UBAP1: variants seen among roughly 807,000 people sequenced by gnomAD.
UBAP1 encodes the protein ubiquitin associated protein 1.
A neutral mutation model predicts 39.0 loss-of-function variants in UBAP1; 5 were observed. The ratio of observed to expected loss-of-function variants is 0.13; its 90% confidence interval spans 0.07 to 0.27. UBAP1 has a LOEUF of 0.27. Ranked by LOEUF, UBAP1 falls within the 10% of genes least tolerant of loss-of-function variation. The pLI, the probability that UBAP1 is intolerant of heterozygous loss-of-function variation, is 1.00. For missense variants in UBAP1, 490 were observed against 608.1 expected, an observed-to-expected ratio of 0.81 and a Z score of 2.04; for synonymous variants, 211 against 225.1, an observed-to-expected ratio of 0.94 and a Z score of 0.56.
intron 1 of UBAP1, among the ~76,000 whole-genome samples, chr9:34,191,166 T>C (rs1830697764): frequency 6.6e-6 from 1 of 152,176 alleles, no homozygotes; most frequent in South Asian, 2.1e-4. Flanking sequence ...AGCACTGTTG[T>C]AGGTCAGTGA....
intron 1 of UBAP1, among the ~76,000 whole-genome samples, chr9:34,211,584 GAGAGAACATTAATAC>G (rs1289596551): frequency 1.3e-5 from 2 of 152,144 alleles, no homozygotes; most frequent in African/African-American, 4.8e-5. Flanking sequence ...AAGTGAAAAT[GAGAGAACATTAATAC>G]AGTTGCCCTT....
intron 2 of UBAP1, chr9:34,224,123 T>C: frequency 2.7e-6 from 2 of 737,908 alleles, no homozygotes; most frequent in Non-Finnish European, 4.2e-6. Context: ...GAACTGCTCC[T>C]CCAGGAGACT....
At chr9:34,192,928 A>G (rs1830814236) in intron 1 of UBAP1, among the ~76,000 whole-genome samples, 1 of 152,160 alleles carries the variant, frequency 6.6e-6, no homozygotes, top group Non-Finnish European at 1.5e-5. Context: ...GACTCATATA[A>G]AAAGGGTTTT....
intron 2 of UBAP1, among the ~76,000 whole-genome samples, chr9:34,225,791 A>G (rs1008038862): frequency 9.2e-5 from 14 of 151,686 alleles, no homozygotes; most frequent in African/African-American, 1.9e-4. Flanking sequence ...AAAAAAAAAA[A>G]AAAAGAAAAG....
intron 2 of UBAP1, among the ~76,000 whole-genome samples, chr9:34,231,127 A>ATGTGTGGTGTG (rs1410985520): frequency 5.8e-5 from 8 of 137,026 alleles, no homozygotes; most frequent in African/African-American, 1.9e-4. Flanking sequence ...TAAAAAAATT[A>ATGTGTGGTGTG]TGTGTGTGTG....
At chr9:34,190,096 G>C (rs1003695661) in intron 1 of UBAP1, among the ~76,000 whole-genome samples, 4 of 152,180 alleles carry the variant, frequency 2.6e-5, no homozygotes, top group African/African-American at 4.8e-5. Context: ...TAATACCTGG[G>C]TGATGAAATA....
intron 1 of UBAP1, among the ~76,000 whole-genome samples, chr9:34,179,466 G>T (rs964517031): frequency 2.6e-5 from 4 of 152,048 alleles, no homozygotes; most frequent in African/African-American, 9.7e-5. Flanking sequence ...GAAGTGGGAT[G>T]CGGAAAAATG....
chr9:34,246,022 A>AT (rs1834159494), intron 4 of UBAP1, among the ~76,000 whole-genome samples: 1 of 152,280 alleles, frequency 6.6e-6, no homozygotes, highest in South Asian at 2.1e-4. Flanking sequence ...TAAGAAATAT[A>AT]TTGTCCACTG....
Position 34,241,743 on chromosome 9 carries a change from T to C in UBAP1, c.718T>C (p.Leu240=). The C allele has an allele frequency of 6.2e-7, 1 of 1,614,032 alleles. No homozygotes were observed. Among genetic ancestry groups the C allele is most frequent in the Non-Finnish European group, 8.5e-7 (1 of 1,179,986 alleles). ...KPNGFITLPQ[L]GNCEKMSLSS... Reference sequence around the variant, plus strand: ...CAATGGCTTTATAACCTTACCACAGTTGGGCAACTGTGAAAAGATGTCACT... The same window carrying C: ...CAATGGCTTTATAACCTTACCACAGCTGGGCAACTGTGAAAAGATGTCACT... Residue 240 remains leucine (L), a synonymous_variant, in exon 4 of 7, where the codon TTG becomes CTG. Transcript: ENST00000297661.
intron 5 of UBAP1, 24 bp from the exon 6 acceptor site, chr9:34,250,634 T>G (rs779364993): frequency 6.2e-7 from 1 of 1,601,144 alleles, no homozygotes; most frequent in Non-Finnish European, 8.5e-7. Context: ...CAGTAGGTGC[T>G]AAACCCCTTG....
At chr9:34,217,267 ATC>A (rs1208536348) in intron 1 of UBAP1, among the ~76,000 whole-genome samples, 2 of 151,638 alleles carry the variant, frequency 1.3e-5, no homozygotes, top group Non-Finnish European at 2.9e-5. Context: ...TTGAGACAGA[ATC>A]TCTGTTGCCC....
rs1432757164 is a variant in UBAP1 at position 34,249,685 on chromosome 9, A to G, written c.1084-94A>G. The G allele has an allele frequency of 6.7e-6, 8 of 1,193,256 alleles. No homozygotes were observed. The South Asian group carries it at 9.6e-5, about 14-fold the overall frequency. The allele number at this position is 1,193,256 out of a possible 1,614,324, so 73.9% of individuals were successfully genotyped here. On this transcript the variant is annotated intron_variant, in intron 4 of 6. Coordinates refer to ENST00000297661, the MANE Select transcript of UBAP1 (RefSeq NM_016525.5). ...TGACCGCTTTTCTTGGGGCTTGAAT[A>G]GTGTCAGAAATGCCAACCCCTGGAC...
chr9:34,226,129 G>GTGTGTGTGTGTGTGTT lies in UBAP1; in HGVS notation c.34+5196_34+5197insTTGTGTGTGTGTGTGT, dbSNP rs1554650835. On this transcript the variant is annotated intron_variant, in intron 2 of 6. Coordinates refer to ENST00000297661, the MANE Select transcript of UBAP1 (RefSeq NM_016525.5). ...ATTGTGTGTGTGTGTGTGTGTGTGTGTGTGTGTGTGTGTGTGTGTGTGTGT... is the reference window on the plus strand; with the variant it reads ...ATTGTGTGTGTGTGTGTGTGTGTGTGTGTGTGTGTGTGTGTTTGTGTGTGTGTGTGTGTGTGTGTGT... Among the ~76,000 whole-genome samples the GTGTGTGTGTGTGTGTT allele has an allele frequency of 2.8e-3, 398 of 141,908 alleles. 3 individuals carry two copies. Among genetic ancestry groups the GTGTGTGTGTGTGTGTT allele is most frequent in the African/African-American group, 9.8e-3 (358 of 36,504 alleles). The allele number at this position is 141,908 out of a possible 152,430, so 93.1% of individuals were successfully genotyped here.
intron 1 of UBAP1, among the ~76,000 whole-genome samples, chr9:34,194,919 TTTGA>T (rs1830937961): frequency 1.3e-5 from 2 of 152,172 alleles, no homozygotes; most frequent in Admixed American, 6.6e-5. Flanking sequence ...GTTATTCCCA[TTTGA>T]TTGATTAAAA....
intron 2 of UBAP1, among the ~76,000 whole-genome samples, chr9:34,230,303 A>C (rs1032796624): frequency 4.6e-5 from 7 of 152,210 alleles, no homozygotes; most frequent in African/African-American, 1.7e-4. Flanking sequence ...TGACCTCATG[A>C]TCCGCCTGCC....
At chr9:34,196,250 C>T (rs879482244) in intron 1 of UBAP1, among the ~76,000 whole-genome samples, 18 of 151,570 alleles carry the variant, frequency 1.2e-4, no homozygotes, top group Non-Finnish European at 2.4e-4. Flanking sequence ...GTTTATCCTC[C>T]TACCTCAGCC....
At position 34,193,072 on chromosome 9, in the gene UBAP1, C is replaced by T. The variant is rs114750339; in HGVS notation, c.-8+13832C>T. On this transcript the variant is annotated intron_variant, in intron 1 of 6. Coordinates refer to ENST00000297661, the MANE Select transcript of UBAP1 (RefSeq NM_016525.5). ...CTGTAATTCCCAGAACTTTGGGAGGCGAGGCAGGCAGATCACTTGAGGTCA... is the reference window on the plus strand; with the variant it reads ...CTGTAATTCCCAGAACTTTGGGAGGTGAGGCAGGCAGATCACTTGAGGTCA... Among the ~76,000 whole-genome samples, 958 of 152,074 alleles carry T rather than the reference C, an allele frequency of 6.3e-3. 13 individuals carry two copies. Among genetic ancestry groups the T allele is most frequent in the African/African-American group, 0.021 (890 of 41,474 alleles).
rs543874598 is a variant in UBAP1 at position 34,231,874 on chromosome 9, G to A, written c.35-2342G>A. ...TCTTGATCTCCTGACCTCATGATCC[G>A]CCCACCTCAGCCTCCCAAAGTGCTG... On this transcript the variant is annotated intron_variant, in intron 2 of 6. Transcript: ENST00000297661. 2.3e-3 allele frequency among the ~76,000 whole-genome samples: 339 copies of A among 148,944 alleles called. 1 individual carries two copies. The highest frequency in any genetic ancestry group is 3.9e-3 in the Non-Finnish European group (261 of 67,068).
At chr9:34,234,528 C>T (rs1229922389) in intron 3 of UBAP1, among the ~76,000 whole-genome samples, 188 bp downstream of exon 3, 1 of 152,144 alleles carries the variant, frequency 6.6e-6, no homozygotes, top group Non-Finnish European at 1.5e-5. Flanking sequence ...CGCCTGTAAT[C>T]CTAACACTGT....
Sources: gnomAD v4.1 joint callset for allele counts (sites outside exome capture counted in the v4.1 genomes callset) on GRCh38, gnomAD v4.1.1 for gene constraint, MANE v1.5 for transcripts, NCBI Gene and HGNC (gene_info 2026-07-23, HGNC 2026-07-21) for gene names.